DPY19L4: variants seen among roughly 807,000 people sequenced by gnomAD.
The protein encoded by DPY19L4 is probable C-mannosyltransferase DPY19L4.
Under a neutral mutation model 102.8 loss-of-function variants are expected in DPY19L4, and 97 were observed. That is an observed-to-expected ratio of 0.94 (90% confidence interval 0.80 to 1.12). DPY19L4 has a LOEUF of 1.12. DPY19L4 is among the 50% of genes most tolerant of loss of function. The pLI is 0.00. For missense variants in DPY19L4, 815 were observed against 850.4 expected (o/e 0.96, Z 0.52); for synonymous variants, 252 against 283.1 (o/e 0.89, Z 1.10).
chr8:94,765,957 G>A, intron 10 of DPY19L4, 148 bp downstream of exon 10: 1 of 519,000 alleles, frequency 1.9e-6, no homozygotes, highest in Non-Finnish European at 3.4e-6. Context: ...TAGCATACTG[G>A]GTAAGAAAGT....
At chr8:94,787,158 T>C (rs1391617654) in intron 17 of DPY19L4, among the ~76,000 whole-genome samples, 1 of 152,196 alleles carries the variant, frequency 6.6e-6, no homozygotes, top group Admixed American at 6.5e-5. Context: ...AGGCTATCAG[T>C]AATGTTGTTA....
chr8:94,724,026 T>C (rs1346530137), intron 1 of DPY19L4, among the ~76,000 whole-genome samples: 1 of 152,224 alleles, frequency 6.6e-6, no homozygotes, highest in Non-Finnish European at 1.5e-5. Context: ...AGAACATGTT[T>C]AATTAAAGTC....
chr8:94,726,363 C>G lies in DPY19L4; in HGVS notation c.49C>G (p.Pro17Ala), dbSNP rs754314433. The change falls in exon 2 of 19, where the codon CCA becomes GCA. Residue 17 changes from proline (P) to alanine (A), a missense_variant. Pro to Ala is a conservative substitution (Grantham distance 27, BLOSUM62 -1). Transcript: ENST00000414645. ...TGTAGAGCTGCGCCAAAGAAAAAAGCCAAAGTCTTCAGAAAATAAGGAATC... is the reference window on the plus strand; with the variant it reads ...TGTAGAGCTGCGCCAAAGAAAAAAGGCAAAGTCTTCAGAAAATAAGGAATC... ...PPVELRQRKK[P>A]KSSENKESAK... 5 of 1,610,758 alleles carry G rather than the reference C, an allele frequency of 3.1e-6. No homozygotes were observed. Among genetic ancestry groups the G allele is most frequent in the Non-Finnish European group, 2.5e-6 (3 of 1,179,048 alleles).
chr8:94,737,086 G>A (rs1297760389), intron 3 of DPY19L4, among the ~76,000 whole-genome samples: 1 of 152,108 alleles, frequency 6.6e-6, no homozygotes, highest in African/African-American at 2.4e-5. Flanking sequence ...AGTAATTAAA[G>A]AAAATTCAAA....
chr8:94,745,433 T>G (rs1228918105), intron 6 of DPY19L4, among the ~76,000 whole-genome samples: 1 of 152,196 alleles, frequency 6.6e-6, no homozygotes, highest in Non-Finnish European at 1.5e-5. Context: ...ATATGTTTGA[T>G]TAAAAGTCTG....
chr8:94,793,808 T>G lies in DPY19L4; in HGVS notation c.*3898T>G, dbSNP rs1035980238. Reference sequence around the variant, plus strand: ...AATGTCTAAACATTATACTTACTTTTTCATAATAAAGGAAATTTTGGAACC... The same window carrying G: ...AATGTCTAAACATTATACTTACTTTGTCATAATAAAGGAAATTTTGGAACC... On this transcript the variant is annotated 3_prime_UTR_variant, in exon 19 of 19. Coordinates refer to ENST00000414645, the MANE Select transcript of DPY19L4 (RefSeq NM_181787.3). 6.6e-6 allele frequency: 1 copy of G among 152,192 alleles called. No homozygotes were observed. Among genetic ancestry groups the G allele is most frequent in the African/African-American group, 2.4e-5 (1 of 41,452 alleles). 9.4% of individuals were successfully genotyped at this position (152,192 alleles called of 1,614,324 possible).
intron 6 of DPY19L4, among the ~76,000 whole-genome samples, chr8:94,750,852 G>A (rs906472567): frequency 9.4e-5 from 14 of 149,554 alleles, no homozygotes; most frequent in African/African-American, 3.5e-4. Flanking sequence ...GCGCAATCTC[G>A]GCTCACTGCA....
Position 94,765,731 on chromosome 8 carries a change from T to A in DPY19L4, c.1023T>A (p.Ser341Arg), listed in dbSNP as rs763651061. ...CACAGCTGAATGTGAAGAAAGGAAG[T>A]TTTGTAGCTAAAATAATAAAAGTGA... is the stretch of plus-strand genomic sequence containing the variant. ...KCLQLNVKKG[S>R]FVAKIIKVIN... Residue 341 changes from serine (S) to arginine (R), a missense_variant, in exon 10 of 19, where the codon AGT becomes AGA. Coordinates refer to ENST00000414645, the MANE Select transcript of DPY19L4 (RefSeq NM_181787.3). The A allele has an allele frequency of 2.2e-5, 36 of 1,602,150 alleles. No homozygotes were observed. The highest frequency in any genetic ancestry group is 2.9e-5 in the Non-Finnish European group (34 of 1,172,228).
At chr8:94,754,841 T>G (rs1812088886) in intron 6 of DPY19L4, among the ~76,000 whole-genome samples, 1 of 152,184 alleles carries the variant, frequency 6.6e-6, no homozygotes, top group African/African-American at 2.4e-5. Context: ...CAGCCTGGAG[T>G]GCAGTGGTGC....
chr8:94,781,280 CTCAG>C, intron 16 of DPY19L4, 114 bp downstream of exon 16: 1 of 978,732 alleles, frequency 1.0e-6, no homozygotes, highest in East Asian at 3.0e-5. Flanking sequence ...TTTCATAAAA[CTCAG>C]GCGTTTTAGG....
At chr8:94,735,716 C>A (rs1283126938) in intron 3 of DPY19L4, among the ~76,000 whole-genome samples, 1 of 152,110 alleles carries the variant, frequency 6.6e-6, no homozygotes, top group Non-Finnish European at 1.5e-5. Flanking sequence ...CAAAGCTTTG[C>A]GTATGGGTCA....
At position 94,790,101 on chromosome 8, in the gene DPY19L4, G is replaced by A. The variant is rs1431899681; in HGVS notation, c.*191G>A. The A allele has an allele frequency of 7.9e-6, 4 of 507,648 alleles. No homozygotes were observed. The African/African-American group carries it at 8.0e-5, about 10-fold the overall frequency. 31.4% of individuals were successfully genotyped at this position (507,648 alleles called of 1,614,324 possible). ...AAGCATTACTGTCCTTTGATTAAAT[G>A]TGATATCTACCACTCTGCAATATTC... On this transcript the variant is annotated 3_prime_UTR_variant, in exon 19 of 19. Coordinates refer to ENST00000414645, the MANE Select transcript of DPY19L4 (RefSeq NM_181787.3).
intron 13 of DPY19L4, among the ~76,000 whole-genome samples, chr8:94,771,048 G>A (rs1328281901): frequency 4.6e-5 from 7 of 151,906 alleles, no homozygotes; most frequent in Non-Finnish European, 1.0e-4. Flanking sequence ...CTAAGTAGCC[G>A]GGATTACAGG....
At chr8:94,734,061 C>CTTT (rs55957128) in intron 2 of DPY19L4, among the ~76,000 whole-genome samples, 66 of 133,244 alleles carry the variant, frequency 5.0e-4, no homozygotes, top group African/African-American at 8.3e-4. Flanking sequence ...TACCTAATGT[C>CTTT]TTTTTTTTTT....
At chr8:94,744,912 G>T in intron 6 of DPY19L4, 1 of 216,028 alleles carries the variant, frequency 4.6e-6, no homozygotes, top group Non-Finnish European at 9.4e-6. Context: ...TAAAAAATGC[G>T]TTTGTTTGCT....
chr8:94,779,445 C>T (rs1227128662), intron 14 of DPY19L4, among the ~76,000 whole-genome samples: 1 of 151,748 alleles, frequency 6.6e-6, no homozygotes, highest in East Asian at 1.9e-4. Context: ...GCCTCATCCT[C>T]CTGAGTAGCT....
At chr8:94,755,895 A>AT in intron 6 of DPY19L4, 141 bp from the exon 7 acceptor site, 2 of 806,876 alleles carry the variant, frequency 2.5e-6, no homozygotes, top group Non-Finnish European at 3.6e-6. Flanking sequence ...AAAAAAAAAA[A>AT]GGACAATGGT....
intron 11 of DPY19L4, 98 bp from the exon 12 acceptor site, chr8:94,768,297 T>G: frequency 1.1e-6 from 1 of 915,086 alleles, no homozygotes; most frequent in African/African-American, 1.7e-5. Flanking sequence ...GTTTAGGAAA[T>G]GTGTTTTTTC....
In DPY19L4 at chr8:94,739,722, T is replaced by C; in HGVS notation, c.543T>C (p.Val181=). ...LQGIYVTALF[V]TSWLMSGTWL... is the part of the protein sequence containing the mutation. Reference sequence around the variant, plus strand: ...GAATATATGTTACTGCTTTATTTGTTACAAGTTGGCTTATGAGTGGAACAT... The same window carrying C: ...GAATATATGTTACTGCTTTATTTGTCACAAGTTGGCTTATGAGTGGAACAT... Residue 181 remains valine, a synonymous_variant, in exon 6 of 19, where the codon GTT becomes GTC. Coordinates refer to ENST00000414645, the MANE Select transcript of DPY19L4 (RefSeq NM_181787.3). 2 of 1,613,614 alleles carry C rather than the reference T, an allele frequency of 1.2e-6. No homozygotes were observed. The highest frequency in any genetic ancestry group is 1.7e-6 in the Non-Finnish European group (2 of 1,180,030).
Sources: gnomAD v4.1 joint callset for allele counts (sites outside exome capture counted in the v4.1 genomes callset) on GRCh38, gnomAD v4.1.1 for gene constraint, MANE v1.5 for transcripts, NCBI Gene and HGNC (gene_info 2026-07-23, HGNC 2026-07-21) for gene names.